Variants in ENPP1 observed in about 807,000 individuals in gnomAD.
The protein encoded by ENPP1 is ectonucleotide pyrophosphatase/phosphodiesterase family member 1.
Under a neutral mutation model 122.8 loss-of-function variants are expected in ENPP1, and 73 were observed. The observed-to-expected ratio is 0.59, with a 90% CI of 0.49 to 0.72. The LOEUF is 0.72. Among genes scored for constraint, ENPP1 ranks in the 30% least tolerant of loss-of-function variants. The pLI, the probability that ENPP1 is intolerant of heterozygous loss-of-function variation, is 0.00. For synonymous variants in ENPP1, 367 were observed against 391.6 expected (o/e 0.94, Z 0.74); for missense variants, 978 against 1,128.1 (o/e 0.87, Z 1.91).
intron 1 of ENPP1, among the ~76,000 whole-genome samples, chr6:131,812,431 A>G (rs1781366132): frequency 6.6e-6 from 1 of 152,176 alleles, no homozygotes; most frequent in South Asian, 2.1e-4. Context: ...GGTATTTTCT[A>G]TTAAACAAAA....
intron 1 of ENPP1, among the ~76,000 whole-genome samples, chr6:131,825,441 A>G (rs1781535201): frequency 6.6e-6 from 1 of 152,224 alleles, no homozygotes; most frequent in Non-Finnish European, 1.5e-5. Flanking sequence ...TTAAACTTTA[A>G]TGAAGCAAAA....
Position 131,868,093 on chromosome 6 carries a change from A to G in ENPP1, c.1240A>G (p.Arg414Gly), listed in dbSNP as rs1782113114. The G allele has an allele frequency of 6.2e-7, 1 of 1,613,344 alleles. No homozygotes were observed. Among genetic ancestry groups the G allele is most frequent in the Non-Finnish European group, 8.5e-7 (1 of 1,179,370 alleles). The change falls in exon 12 of 25, where the codon AGA becomes GGA. Residue 414 changes from arginine to glycine, a missense_variant. Arg to Gly is a moderately radical substitution (Grantham distance 125, BLOSUM62 -2). Transcript: ENST00000647893. ...MDGLKELNLH[R>G]CLNLILISDH... Reference sequence around the variant, plus strand: ...TGGTCTGAAAGAGCTGAACTTGCACAGATGCCTGAACCTCATCCTTATTTC... The same window carrying G: ...TGGTCTGAAAGAGCTGAACTTGCACGGATGCCTGAACCTCATCCTTATTTC...
Position 131,867,997 on chromosome 6 carries a change from GT to G in ENPP1, c.1165-19del, listed in dbSNP as rs764194525. On this transcript the variant is annotated intron_variant, in intron 11 of 24. Coordinates refer to ENST00000647893, the MANE Select transcript of ENPP1 (RefSeq NM_006208.3). ...ATTAGTGTGGAAGGTATCACATGAG[GT>G]TGTTGCTTCCCATTCTTAGGTCATC... is the stretch of plus-strand genomic sequence containing the variant. 1.3e-6 allele frequency: 2 copies of G among 1,497,596 alleles called. No individual in the cohort carries two copies. The highest frequency in any genetic ancestry group is 2.3e-5 in the South Asian group (2 of 88,684). The allele number at this position is 1,497,596 out of a possible 1,614,324, so 92.8% of individuals were successfully genotyped here.
chr6:131,885,025 T>C lies in ENPP1; in HGVS notation c.2406T>C (p.Asp802=). The part of the protein sequence containing the change: ...NVVSGPVFDF[D]YDGRCDSLEN... ...TCAGTGGTCCTGTGTTTGACTTTGATTATGATGGACGTTGTGATTCCTTAG... is the reference window on the plus strand; with the variant it reads ...TCAGTGGTCCTGTGTTTGACTTTGACTATGATGGACGTTGTGATTCCTTAG... The change falls in exon 23 of 25, where the codon GAT becomes GAC. Residue 802 remains aspartate, a synonymous_variant. Transcript: ENST00000647893. The C allele has an allele frequency of 6.2e-7, 1 of 1,614,054 alleles. No individual in the cohort carries two copies. Among genetic ancestry groups the C allele is most frequent in the East Asian group, 2.2e-5 (1 of 44,856 alleles).
intron 11 of ENPP1, among the ~76,000 whole-genome samples, chr6:131,866,698 C>T (rs1194720789): frequency 1.3e-5 from 2 of 152,176 alleles, no homozygotes; most frequent in Non-Finnish European, 2.9e-5. Context: ...GTTAGTAACT[C>T]CATTGTGCCT....
At chr6:131,877,867 ATAT>A (rs1393879802) in intron 18 of ENPP1, 95 of 30,660 alleles carry the variant, frequency 3.1e-3, no homozygotes, top group East Asian at 0.014. Context: ...AAAAAAAAAA[ATAT>A]ATATATATAT....
chr6:131,855,771 T>A lies in ENPP1; in HGVS notation c.715+748T>A, dbSNP rs984283723. Reference sequence around the variant, plus strand: ...TGGACTCTTCCTTTTTTTTTTTTTTTAAATCCCAATCAGGCCTTAATTAAG... The same window carrying A: ...TGGACTCTTCCTTTTTTTTTTTTTTAAAATCCCAATCAGGCCTTAATTAAG... On this transcript the variant is annotated intron_variant, in intron 6 of 24. Transcript: ENST00000647893. 4.0e-5 allele frequency among the ~76,000 whole-genome samples: 6 copies of A among 151,834 alleles called. No homozygotes were observed. In the East Asian group the frequency reaches 7.7e-4, roughly 20 times the overall value.
At chr6:131,811,323 T>C (rs1288157321) in intron 1 of ENPP1, among the ~76,000 whole-genome samples, 2 of 151,414 alleles carry the variant, frequency 1.3e-5, no homozygotes, top group Non-Finnish European at 2.9e-5. Context: ...AAGACTACTT[T>C]CATGTTTCAG....
intron 1 of ENPP1, among the ~76,000 whole-genome samples, chr6:131,843,660 T>C (rs1292802958): frequency 1.3e-5 from 1 of 79,138 alleles, no homozygotes; most frequent in East Asian, 2.5e-4. Flanking sequence ...GCATGTCGTC[T>C]TTTTTTTTTT....
rs1250860929 is a variant in ENPP1, at chr6:131,847,839, G to T, written c.304G>T (p.Ala102Ser). 2 of 1,607,526 alleles carry T rather than the reference G, an allele frequency of 1.2e-6. No homozygotes were observed. The highest frequency in any genetic ancestry group is 2.7e-5 in the African/African-American group (2 of 74,448). The change falls in exon 2 of 25, where the codon GCC (alanine) becomes TCC (serine). Residue 102 changes from alanine to serine, a missense_variant. This residue lies in a region of ENPP1 where 330 missense variants were observed against 328.5 expected (regional missense o/e 1.00). Coordinates refer to ENST00000647893, the MANE Select transcript of ENPP1 (RefSeq NM_006208.3). ...GCIFGLKPSC[A>S]KEVKSCKGRC... The stretch of plus-strand genomic sequence containing the variant: ...TATATTTGGGTTGAAACCAAGCTGT[G>T]CCAAAGAAGGTAATTAGGTGTGTGT...
At chr6:131,847,954 T>C in intron 2 of ENPP1, 106 bp downstream of exon 2, 1 of 849,600 alleles carries the variant, frequency 1.2e-6, no homozygotes, top group South Asian at 1.5e-5. Context: ...CCTATTCCTA[T>C]GGGTACTCCA....
intron 15 of ENPP1, 47 bp downstream of exon 15, chr6:131,873,097 G>A (rs781744395): frequency 1.9e-6 from 3 of 1,606,284 alleles, no homozygotes; most frequent in Non-Finnish European, 1.7e-6. Flanking sequence ...ATCGGTTAGT[G>A]ATTCAGGGTA....
At position 131,836,372 on chromosome 6, in the gene ENPP1, C is replaced by T. The variant is rs181546238; in HGVS notation, c.241-11404C>T. On this transcript the variant is annotated intron_variant, in intron 1 of 24. Transcript: ENST00000647893. Reference sequence around the variant, plus strand: ...CAGGTGATCTGCCCGCCTCAGCCTCCCAAAGTGCTGGGATTACATGTGTGA... The same window carrying T: ...CAGGTGATCTGCCCGCCTCAGCCTCTCAAAGTGCTGGGATTACATGTGTGA... Among the ~76,000 whole-genome samples the T allele has an allele frequency of 1.2e-4, 19 of 152,076 alleles. No homozygotes were observed. In the East Asian group the frequency reaches 3.7e-3, roughly 29 times the overall value.
chr6:131,864,530 T>G lies in ENPP1; in HGVS notation c.1050T>G (p.Ile350Met). 6.2e-7 allele frequency: 1 copy of G among 1,610,374 alleles called. No homozygotes were observed. Among genetic ancestry groups the G allele is most frequent in the South Asian group, 1.1e-5 (1 of 90,966 alleles). ...GTTCAGTACCATTTGAAGAAAGGATTTTAGCTGTTCTTCAGTGGCTACAGC... is the reference window on the plus strand; with the variant it reads ...GTTCAGTACCATTTGAAGAAAGGATGTTAGCTGTTCTTCAGTGGCTACAGC... ...YNGSVPFEERILAVLQWLQLP... is the reference protein window; with the variant it reads ...YNGSVPFEERMLAVLQWLQLP... Residue 350 changes from isoleucine (I) to methionine (M), a missense_variant, in exon 10 of 25, where the codon ATT becomes ATG. Ile to Met is a conservative substitution (Grantham distance 10, BLOSUM62 1). This residue lies in a region of ENPP1 where 644 missense variants were observed against 781.5 expected (regional missense o/e 0.82). Coordinates refer to ENST00000647893, the MANE Select transcript of ENPP1 (RefSeq NM_006208.3).
intron 1 of ENPP1, among the ~76,000 whole-genome samples, chr6:131,847,384 A>T (rs539216916): frequency 6.6e-6 from 1 of 152,368 alleles, no homozygotes; most frequent in African/African-American, 2.4e-5. Context: ...ACTTTTTATT[A>T]AAGTATAAAA....
chr6:131,869,251 C>T, intron 12 of ENPP1, 107 bp from the exon 13 acceptor site: 2 of 1,006,956 alleles, frequency 2.0e-6, no homozygotes, highest in South Asian at 1.3e-5. Context: ...ATGAGTGCTA[C>T]ACCCATGTTT....
rs1782226425 is a variant in ENPP1 at position 131,875,977 on chromosome 6, T to C, written c.1723+114T>C. On this transcript the variant is annotated intron_variant, in intron 17 of 24. Coordinates refer to ENST00000647893, the MANE Select transcript of ENPP1 (RefSeq NM_006208.3). The stretch of plus-strand genomic sequence containing the variant: ...GGAGATGATGGTGAGGCAAGACAGA[T>C]TTTTACCTTCTTCCTGACTCTCAGA... The C allele has an allele frequency of 3.8e-6, 3 of 789,120 alleles. No individual in the cohort carries two copies. The East Asian group carries it at 7.7e-5, about 20-fold the overall frequency. The allele number at this position is 789,120 out of a possible 1,614,324, so 48.9% of individuals were successfully genotyped here.
chr6:131,872,030 A>T, intron 13 of ENPP1, 40 bp from the exon 14 acceptor site: 1 of 1,411,916 alleles, frequency 7.1e-7, no homozygotes, highest in South Asian at 1.2e-5. Flanking sequence ...TAATTATAGT[A>T]TACAATCAAC....
intron 9 of ENPP1, among the ~76,000 whole-genome samples, chr6:131,863,309 G>T (rs979303896): frequency 6.6e-6 from 1 of 152,106 alleles, no homozygotes; most frequent in Non-Finnish European, 1.5e-5. Flanking sequence ...ACCTCTCTGT[G>T]ATATTTGAAA....
Sources: gnomAD v4.1 joint callset for allele counts (sites outside exome capture counted in the v4.1 genomes callset) on GRCh38, gnomAD v4.1.1 for gene constraint, gnomAD v4.1.1 regional missense constraint, MANE v1.5 for transcripts, NCBI Gene and HGNC (gene_info 2026-07-23, HGNC 2026-07-21) for gene names.